AK8: variants seen among roughly 807,000 people sequenced by gnomAD.
AK8 encodes the protein adenylate kinase 8.
AK8 carries 44 observed loss-of-function variants against 54.6 expected under a neutral mutation model. The ratio of observed to expected loss-of-function variants is 0.81; its 90% CI spans 0.63 to 1.04. The LOEUF (loss-of-function observed/expected upper bound fraction) is 1.04, where lower values mean the gene tolerates loss of function less well. AK8 is among the 50% of genes least tolerant of loss of function. The pLI is 0.00. For synonymous variants in AK8, 239 were observed against 245.6 expected, an observed-to-expected ratio of 0.97 and a Z score of 0.25; for missense variants, 555 against 613.6, an observed-to-expected ratio of 0.90 and a Z score of 1.01.
At chr9:132,800,720 C>T (rs940705664) in intron 10 of AK8, among the ~76,000 whole-genome samples, 1 of 152,146 alleles carries the variant, frequency 6.6e-6, no homozygotes, top group South Asian at 2.1e-4. Context: ...GAAGTCAGTA[C>T]ATCAGCCCTG....
Position 132,725,658 on chromosome 9 carries a change from C to T in AK8, c.*30G>A, listed in dbSNP as rs373817929. On this transcript the variant is annotated 3_prime_UTR_variant, in exon 13 of 13. Coordinates refer to ENST00000298545, the MANE Select transcript of AK8 (RefSeq NM_152572.3). ...CTGGGGGCAGGGGATTAACTCTTTC[C>T]CTGGGGCAGCGCTCCTGGCTCTGAA... 1.1e-4 allele frequency: 170 copies of T among 1,540,464 alleles called. No homozygotes were observed. The Middle Eastern group carries it at 2.6e-3, about 24-fold the overall frequency.
intron 5 of AK8, among the ~76,000 whole-genome samples, chr9:132,831,004 C>G (rs1022671066): frequency 2.0e-5 from 3 of 152,190 alleles, no homozygotes; most frequent in African/African-American, 7.2e-5. Flanking sequence ...TGGCTCACCA[C>G]CTGTTCCAAA....
chr9:132,837,117 G>A lies in AK8; in HGVS notation c.403-8391C>T, dbSNP rs546292025. Among the ~76,000 whole-genome samples, 3 of 152,200 alleles carry A rather than the reference G, an allele frequency of 2.0e-5. No homozygotes were observed. The South Asian group carries it at 6.2e-4, about 32-fold the overall frequency. On this transcript the variant is annotated intron_variant, in intron 5 of 12. Coordinates refer to ENST00000298545, the MANE Select transcript of AK8 (RefSeq NM_152572.3). This position sits in a 1 kb window ranked among gnomAD's most constrained non-coding sequence, Gnocchi z 4.3. ...AGGCGGATCATGAGGTCAAGAGATC[G>A]AGACCATCCTGGCCAACGTGGTGAA...
chr9:132,750,447 G>A (rs556439416), intron 11 of AK8, among the ~76,000 whole-genome samples: 1 of 151,934 alleles, frequency 6.6e-6, no homozygotes, highest in African/African-American at 2.4e-5. Flanking sequence ...ACATCTTTCT[G>A]TCCGGCATCG....
intron 5 of AK8, among the ~76,000 whole-genome samples, chr9:132,831,306 C>T (rs1012022889): frequency 2.8e-5 from 4 of 140,434 alleles, no homozygotes; most frequent in African/African-American, 8.0e-5. Flanking sequence ...GATCAATTCA[C>T]GACAAATTGA....
intron 4 of AK8, among the ~76,000 whole-genome samples, chr9:132,859,388 CA>C (rs1564443276): frequency 6.6e-6 from 1 of 152,118 alleles, no homozygotes; most frequent in East Asian, 1.9e-4. Flanking sequence ...AGGCGCCCCC[CA>C]CCATGCCCAG....
rs573067746 is a variant in AK8 at position 132,814,677 on chromosome 9, C to T, written c.940G>A (p.Gly314Ser). The T allele has an allele frequency of 1.2e-6, 2 of 1,614,116 alleles. No homozygotes were observed. Among genetic ancestry groups the T allele is most frequent in the Non-Finnish European group, 1.7e-6 (2 of 1,180,024 alleles). ...KEAVADRTTF[G>S]ELIQPFFEKE... ...TCAAAGAAGGGCTGGATGAGCTCGC[C>T]AAACGTGGTCCTATCTGCCACAGCC... Residue 314 changes from glycine (G) to serine (S), a missense_variant, in exon 10 of 13, where the codon GGC (glycine) becomes AGC (serine). Transcript: ENST00000298545.
At chr9:132,870,886 CCG>C (rs1588240840) in intron 2 of AK8, among the ~76,000 whole-genome samples, 1 of 144,784 alleles carries the variant, frequency 6.9e-6, no homozygotes, top group East Asian at 2.4e-4. Flanking sequence ...TCCAAGCCTC[CCG>C]CACTCTTCTA....
At chr9:132,878,450 C>G, upstream of AK8, 1 of 1,225,732 alleles carries the variant, frequency 8.2e-7, no homozygotes, top group Non-Finnish European at 1.0e-6. This position sits in a 1 kb window ranked among gnomAD's most constrained non-coding sequence, Gnocchi z 4.7. Flanking sequence ...AGTTCTTTCC[C>G]CAACCCCGGC....
At chr9:132,872,321 G>A (rs1299184407) in intron 2 of AK8, among the ~76,000 whole-genome samples, 2 of 150,144 alleles carry the variant, frequency 1.3e-5, no homozygotes, top group Non-Finnish European at 3.0e-5. Context: ...GAGCAACAGA[G>A]ACCCTGTCTC....
At chr9:132,787,167 A>G (rs1839747172) in intron 11 of AK8, among the ~76,000 whole-genome samples, 1 of 152,178 alleles carries the variant, frequency 6.6e-6, no homozygotes, top group South Asian at 2.1e-4. Flanking sequence ...TGAAGATCCA[A>G]TACCCAAATA....
rs976115020 is a variant in AK8, at chr9:132,826,991, G to A, written c.620C>T (p.Pro207Leu). The A allele has an allele frequency of 1.2e-6, 2 of 1,614,132 alleles. No individual in the cohort carries two copies. Among genetic ancestry groups the A allele is most frequent in the Admixed American group, 1.7e-5 (1 of 60,014 alleles). Residue 207 changes from proline to leucine, a missense_variant, in exon 8 of 13, where the codon CCA becomes CTA. Transcript: ENST00000298545. The surrounding 1 kb of genome is among the most constrained non-coding windows in gnomAD (Gnocchi z 4.5). Reference protein sequence around the residue: ...ESEIQNRLMVPEDISELETAQ... With the variant: ...ESEIQNRLMVLEDISELETAQ... ...CGTCTCCAGCTCTGAGATGTCCTCTGGCACCATGAGACGGTTCTGGATTTC... is the reference window on the plus strand; with the variant it reads ...CGTCTCCAGCTCTGAGATGTCCTCTAGCACCATGAGACGGTTCTGGATTTC...
In AK8 at chr9:132,807,234, G is replaced by A. The variant is rs555912290; in HGVS notation, c.979+7404C>T. On this transcript the variant is annotated intron_variant, in intron 10 of 12. Transcript: ENST00000298545. The stretch of plus-strand genomic sequence containing the variant: ...GGCAGCTGCCAGTTAGGAGCTCACC[G>A]TAACTGGGCCGACGAGCCAGTTGGG... 1.5e-3 allele frequency among the ~76,000 whole-genome samples: 229 copies of A among 152,298 alleles called. 1 individual carries two copies. The highest frequency in any genetic ancestry group is 3.4e-3 in the Middle Eastern group (1 of 294).
chr9:132,836,121 C>T (rs1302054463), intron 5 of AK8, among the ~76,000 whole-genome samples: 1 of 151,890 alleles, frequency 6.6e-6, no homozygotes, highest in African/African-American at 2.4e-5. Flanking sequence ...AAAACTCCAT[C>T]TCAAAAAAAA....
chr9:132,865,399 T>G (rs1030012061), intron 3 of AK8, among the ~76,000 whole-genome samples: 2 of 152,174 alleles, frequency 1.3e-5, no homozygotes, highest in African/African-American at 2.4e-5. Flanking sequence ...ATCCCGTCCA[T>G]GATACATGCT....
At chr9:132,861,723 T>C (rs1172470982) in intron 4 of AK8, 2 of 152,196 alleles carry the variant, frequency 1.3e-5, no homozygotes, top group African/African-American at 2.4e-5. Context: ...AAAAGAGCCA[T>C]AAAGATTCCA....
intron 11 of AK8, among the ~76,000 whole-genome samples, chr9:132,782,684 C>T (rs373866337): frequency 2.0e-5 from 3 of 147,682 alleles, no homozygotes; most frequent in East Asian, 1.9e-4. Flanking sequence ...AGCGAAATTC[C>T]GTCTCAAAAA....
intron 10 of AK8, among the ~76,000 whole-genome samples, chr9:132,813,082 GAGCCTA>G (rs1270839295): frequency 8.9e-5 from 12 of 135,038 alleles, no homozygotes; most frequent in Admixed American, 3.6e-4. Context: ...TCACTGCCCT[GAGCCTA>G]CACAGATCAC....
At chr9:132,812,530 T>C (rs79663589) in intron 10 of AK8, among the ~76,000 whole-genome samples, 2,860 of 130,622 alleles carry the variant, frequency 0.022, 155 homozygotes, top group South Asian at 0.055. Context: ...TGAGCTACCG[T>C]GCCCACTGGG....
Sources: allele counts gnomAD v4.1 joint callset (sites outside exome capture counted in the v4.1 genomes callset), GRCh38; gene constraint gnomAD v4.1.1; non-coding constraint Gnocchi (gnomAD v3.1); transcripts MANE v1.5; gene names NCBI Gene and HGNC (gene_info 2026-07-23, HGNC 2026-07-21).